Variants in DCP1B observed in about 807,000 individuals in gnomAD.
DCP1B encodes decapping mRNA 1B.
A neutral mutation model predicts 60.5 loss-of-function variants in DCP1B; 47 were observed. The observed-to-expected ratio is 0.78, with a 90% CI of 0.61 to 0.99. DCP1B has a LOEUF of 0.99. Ranked by LOEUF, DCP1B falls within the 50% of genes least tolerant of loss-of-function variation. The probability of loss-of-function intolerance (pLI) is 0.00; values close to 1 mark genes in which losing one functional copy is unlikely to be tolerated. For missense variants in DCP1B, 725 were observed against 756.8 expected, an observed-to-expected ratio of 0.96 and a Z score of 0.49; for synonymous variants, 267 against 280.3, an observed-to-expected ratio of 0.95 and a Z score of 0.47.
downstream of DCP1B, among the ~76,000 whole-genome samples, chr12:1,944,608 G>C (rs2030362501): frequency 6.6e-6 from 1 of 152,112 alleles, no homozygotes; most frequent in African/African-American, 2.4e-5. Context: ...GAACAGAACA[G>C]AGGCCCTCAG....
chr12:1,997,954 T>C lies in DCP1B; in HGVS notation c.172A>G (p.Thr58Ala). 6.2e-7 allele frequency: 1 copy of C among 1,608,888 alleles called. No homozygotes were observed. Among genetic ancestry groups the C allele is most frequent in the East Asian group, 2.2e-5 (1 of 44,740 alleles). Residue 58 changes from threonine to alanine, a missense_variant, in exon 2 of 9, where the codon ACC becomes GCC. By Grantham distance (58) the Thr-to-Ala change is moderately conservative. Coordinates refer to ENST00000280665, the MANE Select transcript of DCP1B (RefSeq NM_152640.5). ...NEWEKTDVEG[T>A]LFVYTRSASP... ...TCTTACCTTGTATAAACAAATAAGG[T>C]TCCTTCCACATCAGTTTTCTCCTAA...
intron 2 of DCP1B, among the ~76,000 whole-genome samples, chr12:1,997,267 G>A (rs1014402124): frequency 4.6e-5 from 7 of 152,182 alleles, no homozygotes; most frequent in Non-Finnish European, 1.0e-4. Flanking sequence ...GGTGGCTCAC[G>A]CCTGTAATCC....
chr12:1,947,104 C>T (rs1374604146), intron 8 of DCP1B, among the ~76,000 whole-genome samples: 2 of 152,180 alleles, frequency 1.3e-5, no homozygotes, highest in Non-Finnish European at 2.9e-5. Flanking sequence ...TAAGTCTTCC[C>T]ATAAGTTATG....
At position 1,946,298 on chromosome 12, in the gene DCP1B, A is replaced by G. The variant is rs900467937; in HGVS notation, c.1774-12T>C. The G allele has an allele frequency of 6.3e-7, 1 of 1,594,490 alleles. No homozygotes were observed. The highest frequency in any genetic ancestry group is 1.4e-5 in the African/African-American group (1 of 73,932). On this transcript the variant is annotated splice_polypyrimidine_tract_variant and intron_variant, in intron 8 of 8. Coordinates refer to ENST00000280665, the MANE Select transcript of DCP1B (RefSeq NM_152640.5). ...AAGTTGTCATCATTCTGGAAAACAA[A>G]TCGAAAGACCCAAGAGAATGTTACT... is the stretch of plus-strand genomic sequence containing the variant.
At chr12:1,996,160 C>T (rs1232251436) in intron 2 of DCP1B, among the ~76,000 whole-genome samples, 2 of 152,202 alleles carry the variant, frequency 1.3e-5, no homozygotes, top group Non-Finnish European at 2.9e-5. Flanking sequence ...TCTCACTGTC[C>T]TGACTCCAAT....
intron 3 of DCP1B, among the ~76,000 whole-genome samples, chr12:1,974,685 C>T (rs564748506): frequency 1.3e-5 from 2 of 152,162 alleles, no homozygotes; most frequent in East Asian, 1.9e-4. Context: ...ATATTCTAGT[C>T]GCGTTTGATA....
At chr12:1,944,142 GACAA>G (rs1242239155), downstream of DCP1B, among the ~76,000 whole-genome samples, 2 of 152,104 alleles carry the variant, frequency 1.3e-5, no homozygotes, top group African/African-American at 2.4e-5. Context: ...ACCAATAATA[GACAA>G]ACAGAGAGCC....
intron 3 of DCP1B, 47 bp from the exon 4 acceptor site, chr12:1,967,957 CA>C: frequency 1.3e-6 from 2 of 1,496,602 alleles, no homozygotes; most frequent in Non-Finnish European, 9.1e-7. Flanking sequence ...TTCAAAACTA[CA>C]AAATAGAAAA....
chr12:1,946,375 G>A (rs750326401), intron 8 of DCP1B, 89 bp from the exon 9 acceptor site: 5 of 932,314 alleles, frequency 5.4e-6, no homozygotes, highest in Middle Eastern at 2.2e-4. Flanking sequence ...ACTGGCCTTT[G>A]GATACTGAGA....
rs765537431 is a variant in DCP1B, at chr12:1,953,023, G to A, written c.917C>T (p.Pro306Leu). The A allele has an allele frequency of 1.2e-6, 2 of 1,614,180 alleles. No individual in the cohort carries two copies. Among genetic ancestry groups the A allele is most frequent in the South Asian group, 2.2e-5 (2 of 91,082 alleles). Residue 306 changes from proline to leucine, a missense_variant, in exon 7 of 9, where the codon CCA (proline) becomes CTA (leucine). Physicochemically the swap from Pro to Leu is moderately conservative, Grantham distance 98. Coordinates refer to ENST00000280665, the MANE Select transcript of DCP1B (RefSeq NM_152640.5). ...KLMVRSADLHPLSELPENRPC... is the reference protein window; with the variant it reads ...KLMVRSADLHLLSELPENRPC... ...CCGGTTTTCAGGCAGCTCTGACAAT[G>A]GGTGGAGGTCTGCGCTCCTGACCAT...
chr12:1,974,540 G>T (rs143048228), intron 3 of DCP1B, among the ~76,000 whole-genome samples: 1 of 152,076 alleles, frequency 6.6e-6, no homozygotes, highest in East Asian at 1.9e-4. Flanking sequence ...TTGACTACTT[G>T]TTAGGCACTG....
chr12:1,961,054 T>C (rs1251190755), intron 5 of DCP1B, among the ~76,000 whole-genome samples: 1 of 152,116 alleles, frequency 6.6e-6, no homozygotes, highest in East Asian at 1.9e-4. Flanking sequence ...GCAGGGTGCA[T>C]GCACACCTAG....
chr12:1,996,047 T>C (rs1258364005), intron 2 of DCP1B, among the ~76,000 whole-genome samples: 5 of 152,198 alleles, frequency 3.3e-5, no homozygotes, highest in Non-Finnish European at 7.3e-5. Context: ...TTCAAAATAT[T>C]GTCATTTTTA....
At chr12:1,981,124 A>G (rs528607981) in intron 3 of DCP1B, among the ~76,000 whole-genome samples, 2 of 152,314 alleles carry the variant, frequency 1.3e-5, no homozygotes, top group African/African-American at 2.4e-5. Context: ...ACAACTCACA[A>G]TCACCTCTAG....
At chr12:1,958,183 A>G (rs1043514683) in intron 5 of DCP1B, among the ~76,000 whole-genome samples, 1 of 148,154 alleles carries the variant, frequency 6.7e-6, no homozygotes, top group African/African-American at 2.5e-5. Context: ...GAAACAGGGG[A>G]AAAGCTCCCT....
In DCP1B at chr12:1,953,186, G is replaced by GCT. The variant is rs2030753238; in HGVS notation, c.753_754insAG (p.Gln252SerfsTer132). Reference sequence around the variant, plus strand: ...TGCTGCTGCTGCTGCTGCTGCTGCTGGTGGAGAGTCTGCGGAGGCTCCACA... The same window carrying GCT: ...TGCTGCTGCTGCTGCTGCTGCTGCTGCTGTGGAGAGTCTGCGGAGGCTCCACA... On this transcript the variant is annotated frameshift_variant, in exon 7 of 9. Transcript: ENST00000280665. LOFTEE classifies it high-confidence loss of function. The GCT allele has an allele frequency of 2.5e-6, 4 of 1,612,092 alleles. No individual in the cohort carries two copies. Among genetic ancestry groups the GCT allele is most frequent in the East Asian group, 2.2e-5 (1 of 44,890 alleles).
In DCP1B at chr12:1,977,444, T is replaced by C. The variant is rs549695469; in HGVS notation, c.320-9534A>G. ...AGCGTATCTTCAAAGCTTTGTCTTA[T>C]GCATTCTGATGTTCCAGATGCCACA... On this transcript the variant is annotated intron_variant, in intron 3 of 8. Transcript: ENST00000280665. Among the ~76,000 whole-genome samples, 7 of 152,378 alleles carry C rather than the reference T, an allele frequency of 4.6e-5. No individual in the cohort carries two copies. In the South Asian group the frequency reaches 1.0e-3, roughly 23 times the overall value.
rs764762295 is a variant in DCP1B at position 1,948,273 on chromosome 12, T to C, written c.1773+813A>G. Among the ~76,000 whole-genome samples the C allele has an allele frequency of 3.9e-5, 6 of 152,238 alleles. No individual in the cohort carries two copies. The highest frequency in any genetic ancestry group is 7.2e-5 in the African/African-American group (3 of 41,468). On this transcript the variant is annotated intron_variant, in intron 8 of 8. Transcript: ENST00000280665. This position sits in a 1 kb window ranked among gnomAD's most constrained non-coding sequence, Gnocchi z 4.8. ...CTGGTCCCTGCCAACATTCATGTGG[T>C]GAACGTGGCCCACGGGAGAGTACGT...
At chr12:1,972,854 A>C (rs1378704301) in intron 3 of DCP1B, among the ~76,000 whole-genome samples, 1 of 152,064 alleles carries the variant, frequency 6.6e-6, no homozygotes, top group East Asian at 1.9e-4. Context: ...GAGGGAGAAA[A>C]AGAGAGAAAA....
Sources: gnomAD v4.1 joint callset for allele counts (sites outside exome capture counted in the v4.1 genomes callset) on GRCh38, gnomAD v4.1.1 for gene constraint, Gnocchi (gnomAD v3.1) non-coding constraint, MANE v1.5 for transcripts, NCBI Gene and HGNC (gene_info 2026-07-23, HGNC 2026-07-21) for gene names.